GOT1: variants seen among roughly 807,000 people sequenced by gnomAD.
GOT1 encodes aspartate aminotransferase, cytoplasmic.
Under a neutral mutation model 48.2 loss-of-function variants are expected in GOT1, and 25 were observed. The ratio of observed to expected loss-of-function variants is 0.52; its 90% confidence interval spans 0.38 to 0.72. The LOEUF (loss-of-function observed/expected upper bound fraction) is 0.72, where lower values mean the gene tolerates loss of function less well. Among genes scored for constraint, GOT1 ranks in the 30% least tolerant of loss-of-function variants. GOT1 has a pLI of 0.00. For missense variants in GOT1, 380 were observed against 520.1 expected (o/e 0.73, Z 2.62); for synonymous variants, 188 against 193.8 (o/e 0.97, Z 0.25).
At position 99,406,621 on chromosome 10, in the gene GOT1, C is replaced by T. The variant is rs1007755848; in HGVS notation, c.424+105G>A. 8.0e-6 allele frequency: 9 copies of T among 1,122,400 alleles called. No homozygotes were observed. The Admixed American group carries it at 1.6e-4, about 20-fold the overall frequency. 69.5% of individuals were successfully genotyped at this position (1,122,400 alleles called of 1,614,324 possible). On this transcript the variant is annotated intron_variant, in intron 3 of 8. Transcript: ENST00000370508. ...CACTGTTCAAGCCATTCCCAACAGT[C>T]AGTTGTTCTAGGGCTGGATTACATT...
Position 99,406,826 on chromosome 10 carries a change from C to T in GOT1, c.324G>A (p.Gly108=), listed in dbSNP as rs1286322979. Residue 108 remains glycine (G), a synonymous_variant, in exon 3 of 9, where the codon GGG becomes GGA. Transcript: ENST00000370508. ...CTCCAATTCGAAGTGCACCTGTTCC[C>T]CCCAAAGATTGCACACCTCCTACCT... ...EKRVGGVQSL[G]GTGALRIGAD... 5.0e-6 allele frequency: 8 copies of T among 1,613,842 alleles called. No individual in the cohort carries two copies. In the Admixed American group the frequency reaches 6.7e-5, roughly 13 times the overall value.
intron 1 of GOT1, among the ~76,000 whole-genome samples, chr10:99,427,491 A>G (rs533727483): frequency 3.9e-5 from 6 of 152,116 alleles, no homozygotes; most frequent in East Asian, 1.9e-4. Flanking sequence ...GGATGGTCTC[A>G]ATCTCCTGAC....
intron 8 of GOT1, among the ~76,000 whole-genome samples, chr10:99,400,543 G>A (rs1413744088): frequency 1.3e-5 from 2 of 152,094 alleles, no homozygotes; most frequent in African/African-American, 2.4e-5. Flanking sequence ...ACACTGAGGT[G>A]GAATGATCAC....
At chr10:99,400,165 A>T (rs1350560882) in intron 8 of GOT1, among the ~76,000 whole-genome samples, 1 of 152,248 alleles carries the variant, frequency 6.6e-6, no homozygotes, top group Non-Finnish European at 1.5e-5. Flanking sequence ...ACACATATAC[A>T]ATTTTTTAAA....
At position 99,397,058 on chromosome 10, in the gene GOT1, C is replaced by T. The variant is rs2032611399; in HGVS notation, c.*489G>A. On this transcript the variant is annotated 3_prime_UTR_variant, in exon 9 of 9. Transcript: ENST00000370508. The surrounding 1 kb of genome is among the most constrained non-coding windows in gnomAD (Gnocchi z 5.4). The stretch of plus-strand genomic sequence containing the variant: ...TCTTACCACAGTCACCCTAAAGAAC[C>T]AAAGCTTAGGACTAGGGACACAACC... 6.4e-6 allele frequency: 1 copy of T among 156,730 alleles called. No individual in the cohort carries two copies. Among genetic ancestry groups the T allele is most frequent in the South Asian group, 1.9e-4 (1 of 5,182 alleles). The allele number at this position is 156,730 out of a possible 1,614,324, so 9.7% of individuals were successfully genotyped here. A position where few individuals can be genotyped will look rare whatever the true frequency, so the allele number is the denominator to read the frequency against.
At chr10:99,408,184 T>G (rs916857738) in intron 2 of GOT1, among the ~76,000 whole-genome samples, 1 of 152,180 alleles carries the variant, frequency 6.6e-6, no homozygotes, top group African/African-American at 2.4e-5. Context: ...CAGAGACATG[T>G]TTTTCCCAAA....
chr10:99,405,693 T>C, intron 5 of GOT1, 63 bp downstream of exon 5: 2 of 836,700 alleles, frequency 2.4e-6, no homozygotes, highest in Non-Finnish European at 4.2e-6. Flanking sequence ...CAGGTATTGC[T>C]TCTACATACA....
chr10:99,414,085 T>A (rs952051454), intron 2 of GOT1, among the ~76,000 whole-genome samples: 4 of 152,250 alleles, frequency 2.6e-5, no homozygotes, highest in Admixed American at 2.0e-4. Flanking sequence ...AATTCACACA[T>A]AACAATATTA....
At chr10:99,411,728 T>G (rs1384201330) in intron 2 of GOT1, among the ~76,000 whole-genome samples, 1 of 152,232 alleles carries the variant, frequency 6.6e-6, no homozygotes, top group Non-Finnish European at 1.5e-5. Context: ...TTTGAGTCAC[T>G]GCTGTGCTCC....
At chr10:99,400,249 GA>G in intron 8 of GOT1, among the ~76,000 whole-genome samples, 1 of 152,156 alleles carries the variant, frequency 6.6e-6, no homozygotes, top group Admixed American at 6.5e-5. Flanking sequence ...CATTCTGACA[GA>G]AAAAAGATAA....
At chr10:99,423,181 C>T (rs1484273929) in intron 1 of GOT1, among the ~76,000 whole-genome samples, 1 of 152,106 alleles carries the variant, frequency 6.6e-6, no homozygotes, top group African/African-American at 2.4e-5. Context: ...TATAATATGT[C>T]AAGTAGTTTT....
intron 2 of GOT1, among the ~76,000 whole-genome samples, chr10:99,418,057 A>ATAT (rs1380662864): frequency 2.0e-5 from 3 of 149,100 alleles, no homozygotes; most frequent in African/African-American, 7.5e-5. Flanking sequence ...TAATTAAAAA[A>ATAT]AAAAATATAT....
At position 99,397,372 on chromosome 10, in the gene GOT1, GT is replaced by G; in HGVS notation, c.*174del. Reference sequence around the variant, plus strand: ...GGCTCTAATCCCAGTCTCCAAATTCGTCTCAAGGGATGTTCTCTTCATGTGG... The same window carrying G: ...GGCTCTAATCCCAGTCTCCAAATTCGCTCAAGGGATGTTCTCTTCATGTGG... On this transcript the variant is annotated 3_prime_UTR_variant, in exon 9 of 9. Coordinates refer to ENST00000370508, the MANE Select transcript of GOT1 (RefSeq NM_002079.3). The surrounding 1 kb of genome is among the most constrained non-coding windows in gnomAD (Gnocchi z 5.4). 1 of 661,242 alleles carries G rather than the reference GT, an allele frequency of 1.5e-6. No individual in the cohort carries two copies. The highest frequency in any genetic ancestry group is 2.7e-6 in the Non-Finnish European group (1 of 368,812). The allele number at this position is 661,242 out of a possible 1,614,324, so 41.0% of individuals were successfully genotyped here.
intron 2 of GOT1, among the ~76,000 whole-genome samples, chr10:99,407,496 G>A (rs1280487866): frequency 6.7e-6 from 1 of 149,954 alleles, no homozygotes; most frequent in African/African-American, 2.5e-5. Context: ...GCAGTGGCAT[G>A]GTCTCAGCTA....
At chr10:99,417,385 A>G (rs2134105952) in intron 2 of GOT1, among the ~76,000 whole-genome samples, 1 of 152,328 alleles carries the variant, frequency 6.6e-6, no homozygotes, top group South Asian at 2.1e-4. Context: ...ATGAGATACC[A>G]TCTCACACCA....
intron 5 of GOT1, among the ~76,000 whole-genome samples, chr10:99,404,328 C>G (rs927482652): frequency 1.4e-4 from 22 of 152,176 alleles, no homozygotes; most frequent in Admixed American, 1.3e-3. Flanking sequence ...CACAGGGAAC[C>G]TGCTTCTACA....
chr10:99,408,611 C>T (rs1435309555), intron 2 of GOT1, among the ~76,000 whole-genome samples: 2 of 152,102 alleles, frequency 1.3e-5, no homozygotes, highest in Non-Finnish European at 2.9e-5. Context: ...CTCAGCTACT[C>T]GGGAGGCTGA....
intron 4 of GOT1, 67 bp downstream of exon 4, chr10:99,406,070 G>A: frequency 1.8e-6 from 2 of 1,095,144 alleles, no homozygotes; most frequent in Non-Finnish European, 2.8e-6. Context: ...TTAGCAACTG[G>A]TCCAAAGACT....
At chr10:99,402,462 C>A (rs1013305126) in intron 8 of GOT1, 118 bp downstream of exon 8, 3 of 1,057,696 alleles carry the variant, frequency 2.8e-6, no homozygotes, top group Non-Finnish European at 4.2e-6. Context: ...TGGTCCAAAG[C>A]AATGGCTGCC....
Sources: gnomAD v4.1 joint callset for allele counts (sites outside exome capture counted in the v4.1 genomes callset) on GRCh38, gnomAD v4.1.1 for gene constraint, Gnocchi (gnomAD v3.1) non-coding constraint, MANE v1.5 for transcripts, NCBI Gene and HGNC (gene_info 2026-07-23, HGNC 2026-07-21) for gene names.